The following ATP13A1 variants were observed in gnomAD, a reference collection of about 807,000 sequenced individuals.
ATP13A1 encodes the protein endoplasmic reticulum transmembrane helix translocase.
A neutral mutation model predicts 134.8 loss-of-function variants in ATP13A1; 55 were observed. The ratio of observed to expected loss-of-function variants is 0.41; its 90% confidence interval spans 0.33 to 0.51. The LOEUF (loss-of-function observed/expected upper bound fraction) is 0.51, where lower values mean the gene tolerates loss of function less well. Ranked by LOEUF, ATP13A1 falls within the 20% of genes least tolerant of loss-of-function variation. ATP13A1 has a pLI of 0.29. For synonymous variants in ATP13A1, 775 were observed against 725.1 expected, an observed-to-expected ratio of 1.07 and a Z score of -1.10; for missense variants, 1,389 against 1,652.8, an observed-to-expected ratio of 0.84 and a Z score of 2.77.
At chr19:19,650,422 T>G in intron 17 of ATP13A1, 1 of 165,414 alleles carries the variant, frequency 6.0e-6, no homozygotes, top group Non-Finnish European at 1.3e-5. Flanking sequence ...CACTTCCCCT[T>G]TCTTGCTGGC....
Position 19,663,415 on chromosome 19 carries a change from A to C in ATP13A1, c.252T>G (p.Ala84=). Reference sequence around the variant, plus strand: ...AACTGCTGCCCCAGCCCCAGCAGCCAGCGGCTGCGGCACCCAACCAGGCCG... The same window carrying C: ...AACTGCTGCCCCAGCCCCAGCAGCCCGCGGCTGCGGCACCCAACCAGGCCG... ...LYPAWLGAAA[A]GCWGWGSSWV... The change falls in exon 1 of 26, where the codon GCT becomes GCG. Residue 84 remains alanine (A), a synonymous_variant. Transcript: ENST00000357324. 6.3e-7 allele frequency: 1 copy of C among 1,578,236 alleles called. No homozygotes were observed. Among genetic ancestry groups the C allele is most frequent in the Non-Finnish European group, 8.6e-7 (1 of 1,164,394 alleles).
At chr19:19,662,037 G>A in intron 1 of ATP13A1, 1 of 1,560,950 alleles carries the variant, frequency 6.4e-7, no homozygotes. Context: ...GAGAGCAGAA[G>A]CGGCCCTTTC....
chr19:19,653,863 A>T lies in ATP13A1; in HGVS notation c.2021T>A (p.Ile674Asn). Residue 674 changes from isoleucine (I) to asparagine (N), a missense_variant, in exon 15 of 26, where the codon ATC becomes AAC. Around this residue, in one of 4 missense-constraint regions of ATP13A1, gnomAD observed 747 missense variants for 956.1 expected, o/e 0.78. Transcript: ENST00000357324. The surrounding 1 kb of genome is among the most constrained non-coding windows in gnomAD (Gnocchi z 4.2). Reference sequence around the variant, plus strand: ...TCCTTCCCGGGAGATCTCGGTGTGGATGTGGTGGTAGTCGGGCGGGCACTG... The same window carrying T: ...TCCTTCCCGGGAGATCTCGGTGTGGTTGTGGTGGTAGTCGGGCGGGCACTG... ...FSQCPPDYHH[I>N]HTEISREGAR... 6.4e-7 allele frequency: 1 copy of T among 1,564,116 alleles called. No individual in the cohort carries two copies. Among genetic ancestry groups the T allele is most frequent in the Non-Finnish European group, 8.7e-7 (1 of 1,155,832 alleles).
At chr19:19,652,483 TA>T in intron 16 of ATP13A1, 111 bp downstream of exon 16, 1 of 1,425,002 alleles carries the variant, frequency 7.0e-7, no homozygotes, top group Non-Finnish European at 9.4e-7. Context: ...CTTGCTCAGC[TA>T]AAACATGCAG....
chr19:19,656,821 T>G lies in ATP13A1; in HGVS notation c.976+26A>C, dbSNP rs759563145. On this transcript the variant is annotated intron_variant, in intron 6 of 25. Coordinates refer to ENST00000357324, the MANE Select transcript of ATP13A1 (RefSeq NM_020410.3). This position sits in a 1 kb window ranked among gnomAD's most constrained non-coding sequence, Gnocchi z 4.6. The stretch of plus-strand genomic sequence containing the variant: ...GAGGCCCTGAGGCTGGGGCTCCCAC[T>G]GGGACTGAGCGGAACCCGGCCTCAC... 12 of 1,612,278 alleles carry G rather than the reference T, an allele frequency of 7.4e-6. No individual in the cohort carries two copies. In the East Asian group the frequency reaches 2.7e-4, roughly 36 times the overall value.
chr19:19,653,436 C>G lies in ATP13A1; in HGVS notation c.2100+348G>C. On this transcript the variant is annotated intron_variant, in intron 15 of 25. Transcript: ENST00000357324. The surrounding 1 kb of genome is among the most constrained non-coding windows in gnomAD (Gnocchi z 4.2). ...AGGAAGAAGCCAAGCGGCAGATGTG[C>G]CGGTGGTGGAGGCGGAGGGTGGGCT... The G allele has an allele frequency of 3.0e-6, 1 of 338,548 alleles. No homozygotes were observed. The highest frequency in any genetic ancestry group is 5.5e-6 in the Non-Finnish European group (1 of 182,370). The allele number at this position is 338,548 out of a possible 1,614,324, so 21.0% of individuals were successfully genotyped here.
intron 19 of ATP13A1, among the ~76,000 whole-genome samples, chr19:19,648,807 CA>C (rs71172506): frequency 3.3e-3 from 131 of 40,296 alleles, no homozygotes; most frequent in East Asian, 4.1e-3. Flanking sequence ...GAAACTGTCT[CA>C]AAAAAAAAAA....
rs2062057858 is a variant in ATP13A1, at chr19:19,656,326, C to A, written c.1084-143G>T. 6.0e-6 allele frequency: 7 copies of A among 1,159,026 alleles called. No homozygotes were observed. The East Asian group carries it at 7.3e-5, about 12-fold the overall frequency. 71.8% of individuals were successfully genotyped at this position (1,159,026 alleles called of 1,614,324 possible). A position where few individuals can be genotyped will look rare whatever the true frequency, so the allele number is the denominator to read the frequency against. ...AATACATCCCACCCAGCTCCCAGAT[C>A]CTCACCCTCACCCCGTCCTGTCTTC... On this transcript the variant is annotated intron_variant, in intron 7 of 25. Coordinates refer to ENST00000357324, the MANE Select transcript of ATP13A1 (RefSeq NM_020410.3). This position sits in a 1 kb window ranked among gnomAD's most constrained non-coding sequence, Gnocchi z 4.6.
Position 19,647,370 on chromosome 19 carries a change from CA to C in ATP13A1, c.2908+43del. The C allele has an allele frequency of 6.5e-7, 1 of 1,530,726 alleles. No homozygotes were observed. The highest frequency in any genetic ancestry group is 8.8e-7 in the Non-Finnish European group (1 of 1,132,718). The allele number at this position is 1,530,726 out of a possible 1,614,324, so 94.8% of individuals were successfully genotyped here. A position where few individuals can be genotyped will look rare whatever the true frequency, so the allele number is the denominator to read the frequency against. ...CAGGTGTGGGTGTGGGTAGGGGTGC[CA>C]AGGGGGGAATGAAGGGAGGGGGAGC... On this transcript the variant is annotated intron_variant, in intron 21 of 25. Transcript: ENST00000357324. The surrounding 1 kb of genome is among the most constrained non-coding windows in gnomAD (Gnocchi z 4.8).
chr19:19,653,740 C>CGGGCCAGGCACATGGTGAA lies in ATP13A1; in HGVS notation c.2100+25_2100+43dup. ...AGGAGGTGACTCAGGGAGGAGCTGA[C>CGGGCCAGGCACATGGTGAA]GGGCCAGGCACATGGTGAAGGCAGG... On this transcript the variant is annotated intron_variant, in intron 15 of 25. Coordinates refer to ENST00000357324, the MANE Select transcript of ATP13A1 (RefSeq NM_020410.3). This position sits in a 1 kb window ranked among gnomAD's most constrained non-coding sequence, Gnocchi z 4.2. 1.3e-6 allele frequency: 2 copies of CGGGCCAGGCACATGGTGAA among 1,486,278 alleles called. No homozygotes were observed. The highest frequency in any genetic ancestry group is 1.8e-6 in the Non-Finnish European group (2 of 1,092,366). 92.1% of individuals were successfully genotyped at this position (1,486,278 alleles called of 1,614,324 possible). A position where few individuals can be genotyped will look rare whatever the true frequency, so the allele number is the denominator to read the frequency against.
At position 19,653,336 on chromosome 19, in the gene ATP13A1, C is replaced by T. The variant is rs965154952; in HGVS notation, c.2100+448G>A. 2.7e-4 allele frequency: 57 copies of T among 209,622 alleles called. 2 individuals carry two copies. Among genetic ancestry groups the T allele is most frequent in the Admixed American group, 9.4e-4 (18 of 19,092 alleles). The allele number at this position is 209,622 out of a possible 1,614,324, so 13.0% of individuals were successfully genotyped here. A position where few individuals can be genotyped will look rare whatever the true frequency, so the allele number is the denominator to read the frequency against. ...TGTGAGCTGTGGCCTGGGCTCTGCA[C>T]ACAGTACTGCAACCTGAGGCTAAAT... is the stretch of plus-strand genomic sequence containing the variant. On this transcript the variant is annotated intron_variant, in intron 15 of 25. Transcript: ENST00000357324. This position sits in a 1 kb window ranked among gnomAD's most constrained non-coding sequence, Gnocchi z 4.2.
rs2062041244 is a variant in ATP13A1 at position 19,653,994 on chromosome 19, C to CA, written c.1963_1964insT (p.Gly655ValfsTer74). ...CATGGAGTGCAGAGTTTCGGGGGCC[C>CA]CCTTCACGGCCGCGATGTAGCAGAG... On this transcript the variant is annotated frameshift_variant, in exon 14 of 26. Transcript: ENST00000357324. LOFTEE classifies it high-confidence loss of function. This position sits in a 1 kb window ranked among gnomAD's most constrained non-coding sequence, Gnocchi z 4.2. 1 of 1,597,824 alleles carries CA rather than the reference C, an allele frequency of 6.3e-7. No individual in the cohort carries two copies. Among genetic ancestry groups the CA allele is most frequent in the Non-Finnish European group, 8.5e-7 (1 of 1,172,750 alleles).
At position 19,663,604 on chromosome 19, in the gene ATP13A1, C is replaced by A. The variant is rs1470867515; in HGVS notation, c.63G>T (p.Arg21=). 1 of 1,422,132 alleles carries A rather than the reference C, an allele frequency of 7.0e-7. No individual in the cohort carries two copies. Among genetic ancestry groups the A allele is most frequent in the South Asian group, 1.5e-5 (1 of 67,818 alleles). 88.1% of individuals were successfully genotyped at this position (1,422,132 alleles called of 1,614,324 possible). A position where few individuals can be genotyped will look rare whatever the true frequency, so the allele number is the denominator to read the frequency against. ...GCCCGGGCTTGGGCTGCCCGTCAGGCCGGACCCCGCAAGGCCGGGCCCCGC... is the reference window on the plus strand; with the variant it reads ...GCCCGGGCTTGGGCTGCCCGTCAGGACGGACCCCGCAAGGCCGGGCCCCGC... ...VPCGARPCGV[R]PDGQPKPGPQ... The change falls in exon 1 of 26, where the codon CGG becomes CGT. Residue 21 remains arginine (R), a synonymous_variant. Coordinates refer to ENST00000357324, the MANE Select transcript of ATP13A1 (RefSeq NM_020410.3).
intron 1 of ATP13A1, chr19:19,661,965 G>T: frequency 6.9e-7 from 1 of 1,448,878 alleles, no homozygotes. Flanking sequence ...CGCTTCTCAA[G>T]ATGGCACCCA....
chr19:19,657,346 A>G lies in ATP13A1; in HGVS notation c.740T>C (p.Phe247Ser). 1 of 1,571,452 alleles carries G rather than the reference A, an allele frequency of 6.4e-7. No individual in the cohort carries two copies. Among genetic ancestry groups the G allele is most frequent in the Non-Finnish European group, 8.6e-7 (1 of 1,157,870 alleles). ...GAGCTGCTGCTTTACCTGAAATACA[A>G]AGAAGGGGGCTGTGGCTCTCTCCTT... is the stretch of plus-strand genomic sequence containing the variant. ...LFKERATAPF[F>S]VFQVFCVGLW... Residue 247 changes from phenylalanine (F) to serine (S), a missense_variant, in exon 4 of 26, where the codon TTT becomes TCT. This residue lies in a region of ATP13A1 where 747 missense variants were observed against 956.1 expected (regional missense o/e 0.78). Transcript: ENST00000357324.
intron 1 of ATP13A1, 146 bp downstream of exon 1, chr19:19,663,125 C>A (rs749095472): frequency 1.6e-6 from 2 of 1,217,910 alleles, no homozygotes; most frequent in South Asian, 1.3e-5. Context: ...ATTAAGCCTG[C>A]GCCAAAGTGT....
Position 19,660,007 on chromosome 19 carries a change from C to T in ATP13A1, c.397-20G>A, listed in dbSNP as rs1208239185. 2 of 1,549,914 alleles carry T rather than the reference C, an allele frequency of 1.3e-6. No homozygotes were observed. Among genetic ancestry groups the T allele is most frequent in the Non-Finnish European group, 1.7e-6 (2 of 1,148,418 alleles). ...GTACTCCTGACAGAGACAAAGAAAGCATTGTGGCTTAGCTCTTCTCAACCT... is the reference window on the plus strand; with the variant it reads ...GTACTCCTGACAGAGACAAAGAAAGTATTGTGGCTTAGCTCTTCTCAACCT... On this transcript the variant is annotated intron_variant, in intron 1 of 25. Coordinates refer to ENST00000357324, the MANE Select transcript of ATP13A1 (RefSeq NM_020410.3).
intron 1 of ATP13A1, among the ~76,000 whole-genome samples, chr19:19,661,391 A>G (rs552805611): frequency 6.6e-6 from 1 of 152,316 alleles, no homozygotes; most frequent in South Asian, 2.1e-4. Flanking sequence ...TGCCTCAGCA[A>G]AGGGCCTTGG....
rs1462178198 is a variant in ATP13A1 at position 19,655,467 on chromosome 19, G to A, written c.1397-14C>T. The A allele has an allele frequency of 6.2e-7, 1 of 1,613,966 alleles. No homozygotes were observed. Among genetic ancestry groups the A allele is most frequent in the Admixed American group, 1.7e-5 (1 of 60,020 alleles). On this transcript the variant is annotated splice_polypyrimidine_tract_variant and intron_variant, in intron 10 of 25. Coordinates refer to ENST00000357324, the MANE Select transcript of ATP13A1 (RefSeq NM_020410.3). The surrounding 1 kb of genome is among the most constrained non-coding windows in gnomAD (Gnocchi z 5.7). ...GGTCCTTGGTACCTGTGGAGACAGG[G>A]CCTGCCAACCTGGAGCCTCGGAGGG...
Sources: allele counts gnomAD v4.1 joint callset (sites outside exome capture counted in the v4.1 genomes callset), GRCh38; gene constraint gnomAD v4.1.1; regional missense constraint gnomAD v4.1.1; non-coding constraint Gnocchi (gnomAD v3.1); transcripts MANE v1.5; gene names NCBI Gene and HGNC (gene_info 2026-07-23, HGNC 2026-07-21).